The following TOX variants were observed in gnomAD, a reference collection of about 807,000 sequenced individuals.
TOX encodes thymocyte selection-associated high mobility group box protein TOX.
TOX carries 11 observed loss-of-function variants against 53.7 expected under a neutral mutation model. The ratio of observed to expected loss-of-function variants is 0.20; its 90% CI spans 0.13 to 0.34. TOX has a LOEUF of 0.34. Ranked by LOEUF, TOX falls within the 10% of genes least tolerant of loss-of-function variation. The pLI, the probability that TOX is intolerant of heterozygous loss-of-function variation, is 1.00. For missense variants in TOX, 570 were observed against 664.6 expected, an observed-to-expected ratio of 0.86 and a Z score of 1.56; for synonymous variants, 225 against 245.3, an observed-to-expected ratio of 0.92 and a Z score of 0.77.
chr8:58,921,211 A>G (rs1313646922), intron 3 of TOX, among the ~76,000 whole-genome samples: 2 of 152,354 alleles, frequency 1.3e-5, no homozygotes, highest in Admixed American at 1.3e-4. Context: ...TCATTCATTA[A>G]AAGTTGTTTC....
chr8:58,947,040 C>G (rs1459062202), intron 2 of TOX, among the ~76,000 whole-genome samples: 1 of 151,880 alleles, frequency 6.6e-6, no homozygotes, highest in African/African-American at 2.4e-5. Flanking sequence ...AGTCATAAAC[C>G]TGGTTATCTT....
At chr8:58,837,677 TAGCAAAG>T (rs1386716341) in intron 5 of TOX, among the ~76,000 whole-genome samples, 1 of 152,238 alleles carries the variant, frequency 6.6e-6, no homozygotes, top group African/African-American at 2.4e-5. Context: ...GAGGTTCATT[TAGCAAAG>T]AGCAAAGAGG....
intron 1 of TOX, among the ~76,000 whole-genome samples, chr8:59,097,106 A>G (rs553256302): frequency 4.5e-4 from 68 of 152,294 alleles, no homozygotes; most frequent in East Asian, 1.9e-4. Context: ...GGAACACGTG[A>G]TCAGGAAGTC....
At chr8:59,095,680 G>A (rs907311238) in intron 1 of TOX, among the ~76,000 whole-genome samples, 3 of 152,206 alleles carry the variant, frequency 2.0e-5, no homozygotes, top group Non-Finnish European at 2.9e-5. Flanking sequence ...GATTACAGGC[G>A]TGAGCCACTG....
chr8:59,047,286 G>C (rs559637217), intron 1 of TOX, among the ~76,000 whole-genome samples: 226 of 141,730 alleles, frequency 1.6e-3, no homozygotes, highest in Middle Eastern at 3.9e-3. Context: ...GCACGATCTC[G>C]GCTCACTGCA....
chr8:59,104,648 A>T (rs1310844005), intron 1 of TOX, among the ~76,000 whole-genome samples: 1 of 152,224 alleles, frequency 6.6e-6, no homozygotes, highest in Non-Finnish European at 1.5e-5. Context: ...TCCGGGAGAT[A>T]ACGTTCTATG....
chr8:58,934,256 G>A (rs998152700), intron 3 of TOX, among the ~76,000 whole-genome samples: 17 of 152,226 alleles, frequency 1.1e-4, no homozygotes, highest in Admixed American at 1.3e-4. Flanking sequence ...ACTAGTTGCA[G>A]GAATCCCTAC....
At chr8:59,095,075 T>G (rs1335297555) in intron 1 of TOX, among the ~76,000 whole-genome samples, 1 of 152,258 alleles carries the variant, frequency 6.6e-6, no homozygotes. Flanking sequence ...ACAGATGTCT[T>G]ATAAACCCTA....
At chr8:59,023,747 C>G (rs62504488) in intron 1 of TOX, among the ~76,000 whole-genome samples, 8,520 of 152,274 alleles carry the variant, frequency 0.056, 313 homozygotes, top group South Asian at 0.081. Flanking sequence ...AATAGTAATA[C>G]TGACTCCAAC....
At chr8:58,809,707 T>C (rs1329225395) in intron 7 of TOX, among the ~76,000 whole-genome samples, 1 of 152,210 alleles carries the variant, frequency 6.6e-6, no homozygotes, top group Non-Finnish European at 1.5e-5. Flanking sequence ...TCTTCCAAAA[T>C]ATTTCCCTAG....
intron 1 of TOX, among the ~76,000 whole-genome samples, chr8:59,106,378 G>C (rs1804903538): frequency 6.6e-6 from 1 of 152,056 alleles, no homozygotes; most frequent in Non-Finnish European, 1.5e-5. Flanking sequence ...ATATGTTCTG[G>C]CAGACTTTTC....
At chr8:58,856,348 T>C (rs1022102903) in intron 3 of TOX, among the ~76,000 whole-genome samples, 1 of 152,196 alleles carries the variant, frequency 6.6e-6, no homozygotes, top group Admixed American at 6.5e-5. Flanking sequence ...AGTTCATGAC[T>C]AATGCATTTT....
At chr8:58,910,457 C>T (rs1435966197) in intron 3 of TOX, among the ~76,000 whole-genome samples, 1 of 152,130 alleles carries the variant, frequency 6.6e-6, no homozygotes, top group African/African-American at 2.4e-5. Context: ...GTTAATGGAT[C>T]CTGTGTGAAC....
chr8:58,894,805 A>G (rs28578150), intron 3 of TOX, among the ~76,000 whole-genome samples: 1 of 151,968 alleles, frequency 6.6e-6, no homozygotes, highest in African/African-American at 2.4e-5. Flanking sequence ...CTGAGGCAGA[A>G]GAATCGCTTG....
chr8:59,022,091 T>G (rs146081928), intron 1 of TOX, among the ~76,000 whole-genome samples: 422 of 152,274 alleles, frequency 2.8e-3, no homozygotes, highest in African/African-American at 9.4e-3. Flanking sequence ...GAAATTTAAG[T>G]TGCACCCCTG....
At chr8:59,010,667 C>A (rs769999660) in intron 1 of TOX, among the ~76,000 whole-genome samples, 1 of 152,116 alleles carries the variant, frequency 6.6e-6, no homozygotes, top group Non-Finnish European at 1.5e-5. Flanking sequence ...GATAATAATA[C>A]CTACCACATA....
chr8:59,015,614 A>G (rs1328813317), intron 1 of TOX, among the ~76,000 whole-genome samples: 3 of 152,210 alleles, frequency 2.0e-5, no homozygotes, highest in Non-Finnish European at 4.4e-5. Flanking sequence ...TTAAAAAAGA[A>G]ATGATTATAA....
chr8:59,033,419 G>C (rs981962715), intron 1 of TOX, among the ~76,000 whole-genome samples: 1 of 152,212 alleles, frequency 6.6e-6, no homozygotes, highest in Admixed American at 6.5e-5. Context: ...ATTTCAGTTG[G>C]GGATGATGAA....
intron 5 of TOX, 92 bp downstream of exon 5, chr8:58,837,980 TTCTGGGATC>T: frequency 9.1e-7 from 1 of 1,103,012 alleles, no homozygotes; most frequent in East Asian, 2.4e-5. Context: ...TCAGCGTCTG[TTCTGGGATC>T]TAAAGAATTT....
Sources: gnomAD v4.1 joint callset for allele counts (sites outside exome capture counted in the v4.1 genomes callset) on GRCh38, gnomAD v4.1.1 for gene constraint, MANE v1.5 for transcripts, NCBI Gene and HGNC (gene_info 2026-07-23, HGNC 2026-07-21) for gene names.